Variants in ABCC6 observed in about 807,000 individuals in gnomAD.
The protein encoded by ABCC6 is ATP binding cassette subfamily C member 6, also known as ATP-binding cassette sub-family C member 6.
A neutral mutation model predicts 169.5 loss-of-function variants in ABCC6; 126 were observed. That is an observed-to-expected ratio of 0.74 (90% CI 0.64 to 0.86). The LOEUF (loss-of-function observed/expected upper bound fraction) is 0.86, where lower values mean the gene tolerates loss of function less well. Among genes scored for constraint, ABCC6 ranks in the 40% least tolerant of loss-of-function variants. The probability of loss-of-function intolerance (pLI) is 0.00; values close to 1 mark genes in which losing one functional copy is unlikely to be tolerated. For missense variants in ABCC6, 1,733 were observed against 1,927.2 expected (o/e 0.90, Z 1.89); for synonymous variants, 752 against 814.7 (o/e 0.92, Z 1.31).
At chr16:16,163,833 G>A (rs961335342) in intron 23 of ABCC6, among the ~76,000 whole-genome samples, 11 of 152,148 alleles carry the variant, frequency 7.2e-5, no homozygotes, top group Admixed American at 2.0e-4. Context: ...GAGCATTCGC[G>A]TCATTCATCA....
At chr16:16,156,534 C>T (rs2046557886) in intron 27 of ABCC6, among the ~76,000 whole-genome samples, 1 of 152,146 alleles carries the variant, frequency 6.6e-6, no homozygotes, top group Non-Finnish European at 1.5e-5. Flanking sequence ...TTGGCAGGGC[C>T]TGGGTTGGGT....
chr16:16,196,837 G>A (rs2048053578), intron 10 of ABCC6, among the ~76,000 whole-genome samples: 1 of 152,082 alleles, frequency 6.6e-6, no homozygotes, highest in South Asian at 2.1e-4. Context: ...GAGTGGATGG[G>A]GTTATAGGCA....
At chr16:16,211,644 C>A (rs1013339334) in intron 6 of ABCC6, among the ~76,000 whole-genome samples, 3 of 152,122 alleles carry the variant, frequency 2.0e-5, no homozygotes, top group African/African-American at 7.2e-5. Context: ...GGTCTGAATG[C>A]CGTGTGGTTA....
In ABCC6 at chr16:16,182,340, TG is replaced by T. The variant is rs1261472628; in HGVS notation, c.2247+71del. On this transcript the variant is annotated intron_variant, in intron 17 of 30. Transcript: ENST00000205557. ...TCTCATTTCTCCATCATACTGCCCA[TG>T]ATGAGTCGGGGACCCAAATGACTCC... The T allele has an allele frequency of 1.0e-5, 16 of 1,575,802 alleles. No homozygotes were observed. The African/African-American group carries it at 1.8e-4, about 17-fold the overall frequency.
In ABCC6 at chr16:16,168,622, G is replaced by A. The variant is rs78296281; in HGVS notation, c.2995+1024C>T. On this transcript the variant is annotated intron_variant, in intron 22 of 30. Transcript: ENST00000205557. The stretch of plus-strand genomic sequence containing the variant: ...GGTGGGCGAGGCAGGAGAAGGGTGG[G>A]TGTGGTTGCAAAAGGGCAACACGAG... Among the ~76,000 whole-genome samples the A allele has an allele frequency of 9.1e-3, 1,393 of 152,294 alleles. 9 individuals are homozygous for A. Among genetic ancestry groups the A allele is most frequent in the South Asian group, 0.035 (171 of 4,832 alleles).
At position 16,169,869 on chromosome 16, in the gene ABCC6, G is replaced by A. The variant is rs1400822798; in HGVS notation, c.2788-16C>T. On this transcript the variant is annotated splice_polypyrimidine_tract_variant and intron_variant, in intron 21 of 30. Coordinates refer to ENST00000205557, the MANE Select transcript of ABCC6 (RefSeq NM_001171.6). Reference sequence around the variant, plus strand: ...TGGCCTTCACCTGTAGCACACATGAGGGAGAGGGAGGCAGAGAGAGCCCCC... The same window carrying A: ...TGGCCTTCACCTGTAGCACACATGAAGGAGAGGGAGGCAGAGAGAGCCCCC... 1 of 1,550,304 alleles carries A rather than the reference G, an allele frequency of 6.5e-7. No homozygotes were observed. The highest frequency in any genetic ancestry group is 1.4e-5 in the African/African-American group (1 of 73,008).
At chr16:16,219,254 T>C (rs2048993110) in intron 4 of ABCC6, among the ~76,000 whole-genome samples, 1 of 149,196 alleles carries the variant, frequency 6.7e-6, no homozygotes, top group Admixed American at 6.7e-5. Flanking sequence ...TGTGTGTGTG[T>C]GCGTGCATGC....
intron 24 of ABCC6, 66 bp from the exon 25 acceptor site, chr16:16,161,630 A>AC (rs1339989341): frequency 1.2e-6 from 2 of 1,606,324 alleles, no homozygotes; most frequent in Non-Finnish European, 8.5e-7. Context: ...TTCTCTGGGC[A>AC]CAAGGACTGG....
rs1351471832 is a variant in ABCC6 at position 16,198,242 on chromosome 16, AG to A, written c.1177-61del. The A allele has an allele frequency of 3.3e-6, 5 of 1,533,240 alleles. No homozygotes were observed. The East Asian group carries it at 1.2e-4, about 38-fold the overall frequency. The allele number at this position is 1,533,240 out of a possible 1,614,324, so 95.0% of individuals were successfully genotyped here. On this transcript the variant is annotated intron_variant, in intron 9 of 30. Transcript: ENST00000205557. Reference sequence around the variant, plus strand: ...GGAGGCCGGGGCAGAGGGATGCCCCAGGTGGCTTCTCCACCCACTGAGCCCC... The same window carrying A: ...GGAGGCCGGGGCAGAGGGATGCCCCAGTGGCTTCTCCACCCACTGAGCCCC...
intron 25 of ABCC6, among the ~76,000 whole-genome samples, chr16:16,160,167 TCCTCCTAAGTCA>T: frequency 1.3e-5 from 2 of 152,138 alleles, no homozygotes; most frequent in African/African-American, 4.8e-5. Flanking sequence ...TAACCTCACT[TCCTCCTAAGTCA>T]CCTCCTCAGA....
At chr16:16,194,063 G>A in intron 10 of ABCC6, among the ~76,000 whole-genome samples, 1 of 152,206 alleles carries the variant, frequency 6.6e-6, no homozygotes, top group African/African-American at 2.4e-5. Flanking sequence ...GGACTGGGGG[G>A]TGTTCCCAGC....
At chr16:16,214,490 G>C in intron 4 of ABCC6, 41 bp from the exon 5 acceptor site, 1 of 1,551,680 alleles carries the variant, frequency 6.4e-7, no homozygotes, top group Non-Finnish European at 8.7e-7. Flanking sequence ...GGAGACAGAG[G>C]AGGGTGCTCA....
intron 6 of ABCC6, among the ~76,000 whole-genome samples, chr16:16,209,959 G>A (rs1343372778): frequency 6.6e-6 from 1 of 151,764 alleles, no homozygotes; most frequent in Non-Finnish European, 1.5e-5. Flanking sequence ...TCGAACTCCC[G>A]GCCTCAAGTG....
At chr16:16,163,344 G>T (rs1007840198) in intron 23 of ABCC6, 152 bp from the exon 24 acceptor site, 2 of 722,072 alleles carry the variant, frequency 2.8e-6, no homozygotes, top group Non-Finnish European at 4.6e-6. Context: ...GCCCTCTCTG[G>T]GTTCTCATTT....
At position 16,201,672 on chromosome 16, in the gene ABCC6, A is replaced by G. The variant is rs1596713424; in HGVS notation, c.1176+329T>C. On this transcript the variant is annotated intron_variant, in intron 9 of 30. Transcript: ENST00000205557. ...GCAAAACCTTGTCTCTACCAAAAAT[A>G]TAAAAATTAGCTGGGCGTGGTGACA... Among the ~76,000 whole-genome samples, 3 of 152,282 alleles carry G rather than the reference A, an allele frequency of 2.0e-5. No homozygotes were observed. The East Asian group carries it at 5.8e-4, about 29-fold the overall frequency.
At chr16:16,182,340 T>G in intron 17 of ABCC6, 72 bp downstream of exon 17, 1 of 1,575,802 alleles carries the variant, frequency 6.3e-7, no homozygotes. Flanking sequence ...ATACTGCCCA[T>G]GATGAGTCGG....
chr16:16,160,415 T>C (rs146312803), intron 25 of ABCC6, among the ~76,000 whole-genome samples: 2 of 151,888 alleles, frequency 1.3e-5, no homozygotes, highest in African/African-American at 4.8e-5. Context: ...AGCAGGAAGA[T>C]TGTTTGAACC....
At chr16:16,217,944 G>C (rs1045087848) in intron 4 of ABCC6, among the ~76,000 whole-genome samples, 4 of 152,152 alleles carry the variant, frequency 2.6e-5, no homozygotes, top group Admixed American at 2.6e-4. Flanking sequence ...ACAAAAATTA[G>C]CTGGGCATGG....
intron 17 of ABCC6, chr16:16,181,777 A>T (rs955993295): frequency 6.5e-6 from 1 of 154,940 alleles, no homozygotes; most frequent in Admixed American, 6.3e-5. Context: ...TACTAAAAAT[A>T]TAAAAATTAG....
Sources: gnomAD v4.1 joint callset for allele counts (sites outside exome capture counted in the v4.1 genomes callset) on GRCh38, gnomAD v4.1.1 for gene constraint, MANE v1.5 for transcripts, NCBI Gene and HGNC (gene_info 2026-07-23, HGNC 2026-07-21) for gene names.